Variants in TRIM63 observed in about 807,000 individuals in gnomAD.
The protein encoded by TRIM63 is E3 ubiquitin-protein ligase TRIM63.
A neutral mutation model predicts 46.0 loss-of-function variants in TRIM63; 48 were observed. That is an observed-to-expected ratio of 1.04 (90% confidence interval 0.83 to 1.33). The LOEUF (loss-of-function observed/expected upper bound fraction) is 1.33, where lower values mean the gene tolerates loss of function less well. TRIM63 is among the 40% of genes most tolerant of loss of function. The probability of loss-of-function intolerance (pLI) is 0.00; values close to 1 mark genes in which losing one functional copy is unlikely to be tolerated. For synonymous variants in TRIM63, 175 were observed against 162.8 expected, an observed-to-expected ratio of 1.08 and a Z score of -0.57; for missense variants, 455 against 441.2, an observed-to-expected ratio of 1.03 and a Z score of -0.28.
At position 26,067,537 on chromosome 1, in the gene TRIM63, C is replaced by T; in HGVS notation, c.-43G>A. The T allele has an allele frequency of 6.2e-7, 1 of 1,606,438 alleles. No homozygotes were observed. The highest frequency in any genetic ancestry group is 1.1e-5 in the South Asian group (1 of 90,152). On this transcript the variant is annotated 5_prime_UTR_variant, in exon 1 of 9. Transcript: ENST00000374272. ...GAGCCACGCCTAGCTGCCTCCTCTACTAACTTTGCTCTAAGTAGACCTGGG... is the reference window on the plus strand; with the variant it reads ...GAGCCACGCCTAGCTGCCTCCTCTATTAACTTTGCTCTAAGTAGACCTGGG...
Position 26,067,519 on chromosome 1 carries a change from G to T in TRIM63, c.-25C>A. Reference sequence around the variant, plus strand: ...TTCTGTGGGAAGGAATGAGAGCCACGCCTAGCTGCCTCCTCTACTAACTTT... The same window carrying T: ...TTCTGTGGGAAGGAATGAGAGCCACTCCTAGCTGCCTCCTCTACTAACTTT... On this transcript the variant is annotated 5_prime_UTR_variant, in exon 1 of 9. Coordinates refer to ENST00000374272, the MANE Select transcript of TRIM63 (RefSeq NM_032588.4). 1 of 1,611,778 alleles carries T rather than the reference G, an allele frequency of 6.2e-7. No homozygotes were observed.
At chr1:26,060,904 C>T (rs1010110780) in intron 3 of TRIM63, among the ~76,000 whole-genome samples, 33 of 152,104 alleles carry the variant, frequency 2.2e-4, no homozygotes, top group Admixed American at 1.2e-3. Context: ...CTGAGAGGAC[C>T]CCAGTGGCCT....
intron 2 of TRIM63, among the ~76,000 whole-genome samples, chr1:26,063,239 G>A (rs995331963): frequency 3.5e-5 from 5 of 144,732 alleles, no homozygotes; most frequent in Admixed American, 2.7e-4. Context: ...GTGTAGATTC[G>A]ATTTTTTGAG....
rs1294066244 is a variant in TRIM63, at chr1:26,060,258, C to G, written c.597+8G>C. 1.2e-6 allele frequency: 2 copies of G among 1,612,702 alleles called. No individual in the cohort carries two copies. Among genetic ancestry groups the G allele is most frequent in the Admixed American group, 3.3e-5 (2 of 60,016 alleles). On this transcript the variant is annotated splice_region_variant and intron_variant, in intron 4 of 8. Transcript: ENST00000374272. ...AAATCCCCAGGCAGGACTATTCTGTCCGCTCACCTTGGTCACTCGACGGGA... is the reference window on the plus strand; with the variant it reads ...AAATCCCCAGGCAGGACTATTCTGTGCGCTCACCTTGGTCACTCGACGGGA...
chr1:26,058,696 C>T (rs1354165229), intron 4 of TRIM63, 73 bp from the exon 5 acceptor site: 3 of 1,214,412 alleles, frequency 2.5e-6, no homozygotes, highest in Non-Finnish European at 3.6e-6. Context: ...CTTCCTAGGA[C>T]AGTAGCAAGG....
At position 26,058,449 on chromosome 1, in the gene TRIM63, T is replaced by C. The variant is rs1204604066; in HGVS notation, c.772A>G (p.Lys258Glu). 2.5e-6 allele frequency: 4 copies of C among 1,614,052 alleles called. No homozygotes were observed. In the African/African-American group the frequency reaches 5.3e-5, roughly 22 times the overall value. ...QYQEQLDKST[K>E]LVETAIQSLD... is the part of the protein sequence containing the mutation. ...GACTGGATGGCAGTTTCCACCAGCT[T>C]TGTGGACTTGTCCAGCTGCTCCTGG... The change falls in exon 5 of 9, where the codon AAG becomes GAG. Residue 258 changes from lysine (K) to glutamate (E), a missense_variant. By Grantham distance (56) the Lys-to-Glu change is moderately conservative. Coordinates refer to ENST00000374272, the MANE Select transcript of TRIM63 (RefSeq NM_032588.4).
chr1:26,066,081 C>T (rs1212751931), intron 2 of TRIM63, among the ~76,000 whole-genome samples, 187 bp downstream of exon 2: 3 of 152,214 alleles, frequency 2.0e-5, no homozygotes, highest in Non-Finnish European at 2.9e-5. Context: ...CCTTCCCATC[C>T]GCTGAGCAAT....
chr1:26,058,785 C>T (rs1333968312), intron 4 of TRIM63, among the ~76,000 whole-genome samples, 162 bp from the exon 5 acceptor site: 1 of 152,186 alleles, frequency 6.6e-6, no homozygotes, highest in East Asian at 1.9e-4. Context: ...AAGAAGAAAA[C>T]ACTCATCTGG....
chr1:26,058,434 C>A lies in TRIM63; in HGVS notation c.787G>T (p.Ala263Ser). 6.2e-7 allele frequency: 1 copy of A among 1,614,168 alleles called. No homozygotes were observed. Among genetic ancestry groups the A allele is most frequent in the Non-Finnish European group, 8.5e-7 (1 of 1,180,034 alleles). ...LDKSTKLVETAIQSLDEPGGA... is the reference protein window; with the variant it reads ...LDKSTKLVETSIQSLDEPGGA... ...CCAGGCTCGTCCAGGGACTGGATGG[C>A]AGTTTCCACCAGCTTTGTGGACTTG... The change falls in exon 5 of 9, where the codon GCC becomes TCC. Residue 263 changes from alanine to serine, a missense_variant. Physicochemically the swap from Ala to Ser is moderately conservative, Grantham distance 99 (BLOSUM62 1). Coordinates refer to ENST00000374272, the MANE Select transcript of TRIM63 (RefSeq NM_032588.4).
Position 26,057,191 on chromosome 1 carries a change from C to T in TRIM63, c.979+12G>A. 2 of 1,613,846 alleles carry T rather than the reference C, an allele frequency of 1.2e-6. No homozygotes were observed. The highest frequency in any genetic ancestry group is 2.2e-5 in the South Asian group (2 of 91,034). The stretch of plus-strand genomic sequence containing the variant: ...CAGGCAAATAGACAAGTGGCATCAC[C>T]ACCTCCTTTACCTGTCCCAAAGTCA... On this transcript the variant is annotated intron_variant, in intron 7 of 8. Transcript: ENST00000374272.
intron 7 of TRIM63, among the ~76,000 whole-genome samples, chr1:26,055,766 C>T (rs1288960555): frequency 1.3e-5 from 2 of 152,060 alleles, no homozygotes; most frequent in East Asian, 1.9e-4. Context: ...CTGCCTTGGA[C>T]CCCCAAAGTG....
At position 26,060,315 on chromosome 1, in the gene TRIM63, C is replaced by A. The variant is rs139003247; in HGVS notation, c.548G>T (p.Arg183Leu). 6.2e-7 allele frequency: 1 copy of A among 1,613,948 alleles called. No homozygotes were observed. The highest frequency in any genetic ancestry group is 1.3e-5 in the African/African-American group (1 of 74,910). Reference protein sequence around the residue: ...CISMLVAGNDRVQTIITQLED... With the variant: ...CISMLVAGNDLVQTIITQLED... ...CAGCTGAGTGATGATGGTCTGCACA[C>A]GGTCATTCCCCGCCACCAGCATGGA... The change falls in exon 4 of 9, where the codon CGT becomes CTT. Residue 183 changes from arginine (R) to leucine (L), a missense_variant. Transcript: ENST00000374272.
In TRIM63 at chr1:26,067,463, C is replaced by T. The variant is rs772441844; in HGVS notation, c.32G>A (p.Gly11Glu). 6.2e-7 allele frequency: 1 copy of T among 1,614,118 alleles called. No individual in the cohort carries two copies. The highest frequency in any genetic ancestry group is 1.1e-5 in the South Asian group (1 of 91,066). MDYKSSLIQD[G>E]NPMENLEKQL... ...CTTCTCCAAGTTCTCCATGGGATTC[C>T]CATCCTGGATCAGGCTCGACTTATA... is the stretch of plus-strand genomic sequence containing the variant. Residue 11 changes from glycine to glutamate, a missense_variant, in exon 1 of 9, where the codon GGG (glycine) becomes GAG (glutamate). Coordinates refer to ENST00000374272, the MANE Select transcript of TRIM63 (RefSeq NM_032588.4).
At chr1:26,057,694 T>C (rs759378116) in intron 5 of TRIM63, 44 bp from the exon 6 acceptor site, 1 of 1,577,956 alleles carries the variant, frequency 6.3e-7, no homozygotes, top group African/African-American at 1.4e-5. Flanking sequence ...GCAGAAGAGG[T>C]AACCGCAGGA....
chr1:26,059,598 A>T (rs1297778241), intron 4 of TRIM63, among the ~76,000 whole-genome samples: 2 of 152,148 alleles, frequency 1.3e-5, no homozygotes, highest in Non-Finnish European at 2.9e-5. Flanking sequence ...CTCGTGGGTG[A>T]TCACAATGTT....
Position 26,066,357 on chromosome 1 carries a change from C to A in TRIM63, c.243G>T (p.Glu81Asp), listed in dbSNP as rs771871021. 1 of 1,614,054 alleles carries A rather than the reference C, an allele frequency of 6.2e-7. No individual in the cohort carries two copies. Among genetic ancestry groups the A allele is most frequent in the South Asian group, 1.1e-5 (1 of 91,078 alleles). The change falls in exon 2 of 9, where the codon GAG becomes GAT. Residue 81 changes from glutamate to aspartate, a missense_variant. Coordinates refer to ENST00000374272, the MANE Select transcript of TRIM63 (RefSeq NM_032588.4). ...ACACTCCGTGACGATCCATGATCAC[C>A]TCGTGGCGGCAGGTGGGGCAGCGGA... ...GRFRCPTCRH[E>D]VIMDRHGVYG...
chr1:26,059,023 CTTT>C (rs986591996), intron 4 of TRIM63, among the ~76,000 whole-genome samples: 4 of 116,926 alleles, frequency 3.4e-5, no homozygotes, highest in Admixed American at 9.9e-5. Flanking sequence ...CTCTGTTGCC[CTTT>C]TTTTTTTTTT....
chr1:26,065,509 G>A (rs1372904331), intron 2 of TRIM63, among the ~76,000 whole-genome samples: 2 of 152,150 alleles, frequency 1.3e-5, no homozygotes, highest in Non-Finnish European at 2.9e-5. Context: ...GTCTCACTAT[G>A]TTGCCCTGAC....
rs537877132 is a variant in TRIM63, at chr1:26,058,577, G to A, written c.644C>T (p.Thr215Met). ...CTTCTCATCCAGGATGGCATACAAC[G>A]TGTCAAACTTCTGGCTCAGCTCTTC... ...VKEELSQKFD[T>M]LYAILDEKKS... Residue 215 changes from threonine (T) to methionine (M), a missense_variant, in exon 5 of 9, where the codon ACG becomes ATG. By Grantham distance (81) the Thr-to-Met change is moderately conservative. Coordinates refer to ENST00000374272, the MANE Select transcript of TRIM63 (RefSeq NM_032588.4). 1.2e-4 allele frequency: 188 copies of A among 1,614,198 alleles called. 3 individuals carry two copies. In the South Asian group the frequency reaches 1.8e-3, roughly 16 times the overall value.
Sources: allele counts gnomAD v4.1 joint callset (sites outside exome capture counted in the v4.1 genomes callset), GRCh38; gene constraint gnomAD v4.1.1; transcripts MANE v1.5; gene names NCBI Gene and HGNC (gene_info 2026-07-23, HGNC 2026-07-21).